Variants in MICU1 observed in about 807,000 individuals in gnomAD.
MICU1 encodes the protein calcium uptake protein 1, mitochondrial.
Under a neutral mutation model 56.8 loss-of-function variants are expected in MICU1, and 45 were observed. That is an observed-to-expected ratio of 0.79 (90% CI 0.62 to 1.02). The LOEUF (loss-of-function observed/expected upper bound fraction) is 1.02. Among genes scored for constraint, MICU1 ranks in the 50% least tolerant of loss-of-function variants. The probability of loss-of-function intolerance (pLI) is 0.00; values close to 1 mark genes in which losing one functional copy is unlikely to be tolerated. For missense variants in MICU1, 504 were observed against 587.1 expected (o/e 0.86, Z 1.46); for synonymous variants, 186 against 195.1 (o/e 0.95, Z 0.39).
intron 8 of MICU1, among the ~76,000 whole-genome samples, chr10:72,465,060 G>T (rs1865747242): frequency 6.6e-6 from 1 of 152,158 alleles, no homozygotes; most frequent in African/African-American, 2.4e-5. Context: ...GAGTGCAATG[G>T]TGTGATCTTG....
chr10:72,549,688 T>G (rs1285440158), intron 4 of MICU1, among the ~76,000 whole-genome samples: 5 of 152,094 alleles, frequency 3.3e-5, no homozygotes. Flanking sequence ...CTCATCACTT[T>G]GGGAGGCTGA....
At chr10:72,507,173 A>G (rs1589289348) in intron 6 of MICU1, among the ~76,000 whole-genome samples, 1 of 152,218 alleles carries the variant, frequency 6.6e-6, no homozygotes, top group East Asian at 1.9e-4. Flanking sequence ...AAAAAAAAAA[A>G]AAATTGCAAA....
intron 8 of MICU1, among the ~76,000 whole-genome samples, chr10:72,442,759 T>C (rs1377200471): frequency 6.6e-6 from 1 of 152,158 alleles, no homozygotes; most frequent in East Asian, 1.9e-4. Context: ...TTGCATTATA[T>C]TGTCCTTTAT....
rs952999428 is a variant in MICU1 at position 72,475,381 on chromosome 10, G to A, written c.736-84C>T. 4.0e-6 allele frequency: 5 copies of A among 1,244,854 alleles called. No homozygotes were observed. The African/African-American group carries it at 6.1e-5, about 15-fold the overall frequency. The allele number at this position is 1,244,854 out of a possible 1,614,324, so 77.1% of individuals were successfully genotyped here. The stretch of plus-strand genomic sequence containing the variant: ...TAGAAAAGCAAGAATCATAACTATT[G>A]TTTACTATTTGCCTACTCTGTATTA... On this transcript the variant is annotated intron_variant, in intron 7 of 11. Transcript: ENST00000361114.
At chr10:72,596,315 G>A (rs1841380122) in intron 1 of MICU1, among the ~76,000 whole-genome samples, 1 of 152,094 alleles carries the variant, frequency 6.6e-6, no homozygotes, top group African/African-American at 2.4e-5. Context: ...GTACATACCT[G>A]TAATCCCAGC....
intron 8 of MICU1, among the ~76,000 whole-genome samples, chr10:72,466,681 T>C (rs987000871): frequency 6.6e-6 from 1 of 152,198 alleles, no homozygotes; most frequent in Non-Finnish European, 1.5e-5. Context: ...AAAAGAAACC[T>C]ACTTTGCCAA....
At chr10:72,571,236 C>T (rs972105067) in intron 1 of MICU1, among the ~76,000 whole-genome samples, 2 of 152,124 alleles carry the variant, frequency 1.3e-5, no homozygotes, top group African/African-American at 2.4e-5. Flanking sequence ...TGGTGGCAGG[C>T]GCCTGTTATT....
intron 3 of MICU1, among the ~76,000 whole-genome samples, chr10:72,560,609 C>G (rs1840272477): frequency 6.6e-6 from 1 of 152,004 alleles, no homozygotes; most frequent in Non-Finnish European, 1.5e-5. Context: ...GTGGCTCATG[C>G]CTATAATCCC....
intron 8 of MICU1, among the ~76,000 whole-genome samples, chr10:72,463,879 G>C (rs374605935): frequency 6.6e-6 from 1 of 152,174 alleles, no homozygotes; most frequent in African/African-American, 2.4e-5. Flanking sequence ...TCATGGTTAA[G>C]TGCCTTTACA....
intron 6 of MICU1, among the ~76,000 whole-genome samples, chr10:72,486,634 G>T (rs919047354): frequency 1.3e-5 from 2 of 152,142 alleles, no homozygotes; most frequent in Admixed American, 1.3e-4. Context: ...ACCACATCTG[G>T]CTAATTTTTG....
chr10:72,371,128 AT>A (rs1185964514), intron 11 of MICU1, among the ~76,000 whole-genome samples: 2 of 149,956 alleles, frequency 1.3e-5, no homozygotes, highest in Admixed American at 1.3e-4. Flanking sequence ...GCTCACGCCT[AT>A]AATCCCAGCA....
intron 8 of MICU1, among the ~76,000 whole-genome samples, chr10:72,447,412 T>A (rs1187979347): frequency 6.6e-6 from 1 of 152,168 alleles, no homozygotes; most frequent in Non-Finnish European, 1.5e-5. Context: ...ATTATTGGCA[T>A]GATTATAGTC....
chr10:72,586,545 G>A (rs1469458966), intron 1 of MICU1, among the ~76,000 whole-genome samples: 10 of 151,884 alleles, frequency 6.6e-5, no homozygotes, highest in African/African-American at 1.9e-4. Flanking sequence ...CCAGCTACTC[G>A]GGAGGCTGAG....
At position 72,444,182 on chromosome 10, in the gene MICU1, T is replaced by G. The variant is rs1005389654; in HGVS notation, c.934-20811A>C. On this transcript the variant is annotated intron_variant, in intron 8 of 11. Transcript: ENST00000361114. ...GTGGGAATTGAACAATGAGAACACA[T>G]GGACACAGGAGGGGGAACATCACAC... Among the ~76,000 whole-genome samples, 31 of 120,212 alleles carry G rather than the reference T, an allele frequency of 2.6e-4. No individual in the cohort carries two copies. In the South Asian group the frequency reaches 6.9e-3, roughly 27 times the overall value. The allele number at this position is 120,212 out of a possible 152,430, so 78.9% of individuals were successfully genotyped here.
chr10:72,487,654 T>A (rs1347447041), intron 6 of MICU1, among the ~76,000 whole-genome samples: 2 of 152,280 alleles, frequency 1.3e-5, no homozygotes, highest in Middle Eastern at 3.4e-3. Context: ...TGATAATATC[T>A]CCTCGTGAGA....
chr10:72,504,499 T>C (rs1158600737), intron 6 of MICU1, among the ~76,000 whole-genome samples: 1 of 152,272 alleles, frequency 6.6e-6, no homozygotes, highest in East Asian at 1.9e-4. Flanking sequence ...AAGATTGAAA[T>C]GTAGGACCTC....
intron 1 of MICU1, among the ~76,000 whole-genome samples, chr10:72,589,968 AC>A (rs1841175878): frequency 6.6e-6 from 1 of 152,134 alleles, no homozygotes; most frequent in Non-Finnish European, 1.5e-5. Flanking sequence ...ACGCCTGTGA[AC>A]AGCCCCTCAT....
At chr10:72,616,027 A>T (rs545056081) in intron 1 of MICU1, among the ~76,000 whole-genome samples, 1 of 152,152 alleles carries the variant, frequency 6.6e-6, no homozygotes, top group Admixed American at 6.5e-5. Flanking sequence ...AAACATGTTC[A>T]ATCTTTCTAC....
At chr10:72,391,762 A>G (rs1028472523) in intron 10 of MICU1, among the ~76,000 whole-genome samples, 1 of 152,228 alleles carries the variant, frequency 6.6e-6, no homozygotes, top group Non-Finnish European at 1.5e-5. Context: ...AAAATTAGGA[A>G]AAATGTATGT....
Sources: gnomAD v4.1 joint callset for allele counts (sites outside exome capture counted in the v4.1 genomes callset) on GRCh38, gnomAD v4.1.1 for gene constraint, MANE v1.5 for transcripts, NCBI Gene and HGNC (gene_info 2026-07-23, HGNC 2026-07-21) for gene names.